The following PBX1 variants were observed in gnomAD, a reference collection of about 807,000 sequenced individuals.
PBX1 encodes the protein pre-B-cell leukemia transcription factor 1.
Under a neutral mutation model 53.4 loss-of-function variants are expected in PBX1, and 6 were observed. The ratio of observed to expected loss-of-function variants is 0.11; its 90% CI spans 0.06 to 0.22. The LOEUF is 0.22. PBX1 is among the 10% of genes least tolerant of loss of function. The pLI is 1.00. For synonymous variants in PBX1, 204 were observed against 212.3 expected (o/e 0.96, Z 0.34); for missense variants, 251 against 551.4 (o/e 0.46, Z 5.46).
At chr1:164,868,306 C>T (rs1407178635) in intron 2 of PBX1, among the ~76,000 whole-genome samples, 1 of 152,118 alleles carries the variant, frequency 6.6e-6, no homozygotes, top group Non-Finnish European at 1.5e-5. Flanking sequence ...TTTGAGGACC[C>T]CTGACCATGC....
chr1:164,686,624 A>G (rs1467167534), intron 2 of PBX1, among the ~76,000 whole-genome samples: 3 of 152,218 alleles, frequency 2.0e-5, no homozygotes, highest in Non-Finnish European at 2.9e-5. Context: ...AATGGGAGAC[A>G]CAAGGTTACC....
intron 2 of PBX1, chr1:164,641,661 A>G (rs1165636788): frequency 1.3e-5 from 2 of 152,236 alleles, no homozygotes; most frequent in Non-Finnish European, 2.9e-5. Flanking sequence ...GGATAACTTC[A>G]AGGCTAACGT....
intron 2 of PBX1, among the ~76,000 whole-genome samples, chr1:164,628,676 G>A (rs992939259): frequency 2.0e-5 from 3 of 152,140 alleles, no homozygotes; most frequent in East Asian, 1.9e-4. Flanking sequence ...ATTTGCTTGC[G>A]TTGTTTGTGA....
At chr1:164,699,828 A>T (rs971428216) in intron 2 of PBX1, among the ~76,000 whole-genome samples, 7 of 152,126 alleles carry the variant, frequency 4.6e-5, no homozygotes, top group Admixed American at 1.3e-4. Context: ...GGGAGCTGTG[A>T]TGCTGTCGTC....
chr1:164,574,011 A>G (rs1265614441), intron 2 of PBX1, among the ~76,000 whole-genome samples: 2 of 152,186 alleles, frequency 1.3e-5, no homozygotes, highest in East Asian at 3.9e-4. Context: ...TTGCCTGATG[A>G]ATAGCCGTGT....
intron 4 of PBX1, among the ~76,000 whole-genome samples, chr1:164,806,110 CA>C (rs1669332580): frequency 6.6e-6 from 1 of 152,076 alleles, no homozygotes; most frequent in Non-Finnish European, 1.5e-5. Flanking sequence ...GCAAGAAAGG[CA>C]AAAGTGCTAA....
At chr1:164,589,445 G>C (rs1174479022) in intron 2 of PBX1, among the ~76,000 whole-genome samples, 1 of 152,052 alleles carries the variant, frequency 6.6e-6, no homozygotes, top group African/African-American at 2.4e-5. Context: ...AAAGCGTTCT[G>C]ATCCCAGAGA....
At chr1:164,777,298 C>T (rs1667719352) in intron 2 of PBX1, among the ~76,000 whole-genome samples, 1 of 152,150 alleles carries the variant, frequency 6.6e-6, no homozygotes, top group African/African-American at 2.4e-5. Context: ...TGGCACGCAC[C>T]TGTAGTCACA....
At chr1:164,601,878 C>T (rs1442594501) in intron 2 of PBX1, among the ~76,000 whole-genome samples, 1 of 152,152 alleles carries the variant, frequency 6.6e-6, no homozygotes, top group Non-Finnish European at 1.5e-5. Flanking sequence ...AGATACTGCC[C>T]TCCGTTTCAG....
intron 2 of PBX1, among the ~76,000 whole-genome samples, chr1:164,614,186 A>G (rs1389369265): frequency 6.6e-6 from 1 of 152,194 alleles, no homozygotes; most frequent in African/African-American, 2.4e-5. Flanking sequence ...GTGGAAGTAC[A>G]TGAAAGAAGG....
At chr1:164,722,512 T>C (rs1664464201) in intron 2 of PBX1, among the ~76,000 whole-genome samples, 1 of 152,218 alleles carries the variant, frequency 6.6e-6, no homozygotes, top group Non-Finnish European at 1.5e-5. Flanking sequence ...GTGGTTTTAT[T>C]TATTTGAAGA....
At chr1:164,707,418 T>TGTGTGTGAGAGAGA (rs58617739) in intron 2 of PBX1, among the ~76,000 whole-genome samples, 31 of 118,212 alleles carry the variant, frequency 2.6e-4, no homozygotes, top group African/African-American at 1.1e-3. Flanking sequence ...TGTGTGTGTG[T>TGTGTGTGAGAGAGA]GAGAGAGAGA....
At chr1:164,884,581 G>A (rs936944375) in intron 2 of PBX1, 1 of 516,026 alleles carries the variant, frequency 1.9e-6, no homozygotes, top group Non-Finnish European at 3.8e-6. Flanking sequence ...ATGCTCTGGT[G>A]GTGACAGCAA....
chr1:164,750,595 C>T (rs1034160554), intron 2 of PBX1, among the ~76,000 whole-genome samples: 5 of 152,336 alleles, frequency 3.3e-5, no homozygotes, highest in African/African-American at 1.2e-4. Context: ...GCTGGTCCAG[C>T]TGCCCTTGGT....
Position 164,847,482 on chromosome 1 carries a change from G to A in PBX1, c.*806G>A. 1 of 1,062,962 alleles carries A rather than the reference G, an allele frequency of 9.4e-7. No individual in the cohort carries two copies. The highest frequency in any genetic ancestry group is 1.1e-6 in the Non-Finnish European group (1 of 877,794). The allele number at this position is 1,062,962 out of a possible 1,614,324, so 65.8% of individuals were successfully genotyped here. On this transcript the variant is annotated 3_prime_UTR_variant, in exon 9 of 9. Coordinates refer to ENST00000420696, the MANE Select transcript of PBX1 (RefSeq NM_002585.4). ...CAGTTTCAGAGGCACAGTCTTTGGA[G>A]ACCATTCAGCACTGAGAAAGCAATA...
At chr1:164,859,880 A>AT (rs1304886333) in intron 2 of PBX1, among the ~76,000 whole-genome samples, 1 of 152,228 alleles carries the variant, frequency 6.6e-6, no homozygotes, top group African/African-American at 2.4e-5. Flanking sequence ...GTATTTATCA[A>AT]TGTACAAGCT....
chr1:164,658,320 C>G (rs1660284221), intron 2 of PBX1, among the ~76,000 whole-genome samples: 1 of 152,206 alleles, frequency 6.6e-6, no homozygotes, highest in Non-Finnish European at 1.5e-5. Context: ...CAAAGGTTCT[C>G]ATCAGCCTGT....
At chr1:164,586,971 C>T (rs1467099686) in intron 2 of PBX1, among the ~76,000 whole-genome samples, 2 of 152,204 alleles carry the variant, frequency 1.3e-5, no homozygotes, top group African/African-American at 2.4e-5. Flanking sequence ...ATTTGAATGT[C>T]GACCTCACAC....
chr1:164,639,342 T>G (rs1270999078), intron 2 of PBX1, among the ~76,000 whole-genome samples: 1 of 152,218 alleles, frequency 6.6e-6, no homozygotes, highest in Non-Finnish European at 1.5e-5. Context: ...TGAAGAGCCT[T>G]TATTTCCTTC....
Sources: gnomAD v4.1 joint callset for allele counts (sites outside exome capture counted in the v4.1 genomes callset) on GRCh38, gnomAD v4.1.1 for gene constraint, MANE v1.5 for transcripts, NCBI Gene and HGNC (gene_info 2026-07-23, HGNC 2026-07-21) for gene names.